Variants in UGGT2 observed in about 807,000 individuals in gnomAD.
UGGT2 encodes UDP-glucose:glycoprotein glucosyltransferase 2.
In UGGT2, 180 loss-of-function variants were observed where a neutral mutation model predicts 192.1. That is an observed-to-expected ratio of 0.94 (90% confidence interval 0.83 to 1.06). The LOEUF (loss-of-function observed/expected upper bound fraction) is 1.06. Among genes scored for constraint, UGGT2 ranks in the 50% least tolerant of loss-of-function variants. The pLI is 0.00. For synonymous variants in UGGT2, 580 were observed against 591.0 expected, an observed-to-expected ratio of 0.98 and a Z score of 0.27; for missense variants, 1,849 against 1,795.7, an observed-to-expected ratio of 1.03 and a Z score of -0.54.
intron 8 of UGGT2, among the ~76,000 whole-genome samples, chr13:95,987,071 G>A (rs2051311682): frequency 6.6e-6 from 1 of 152,052 alleles, no homozygotes; most frequent in Admixed American, 6.6e-5. Flanking sequence ...TCAACAGTGA[G>A]GCAGATTGTT....
chr13:95,853,772 T>C (rs1594153613), intron 35 of UGGT2, 115 bp from the exon 36 acceptor site: 3 of 604,188 alleles, frequency 5.0e-6, no homozygotes, highest in East Asian at 6.4e-5. Flanking sequence ...TAGGATCTAA[T>C]AACAATTAAT....
rs180817126 is a variant in UGGT2 at position 95,961,565 on chromosome 13, T to C, written c.1335+8547A>G. Among the ~76,000 whole-genome samples the C allele has an allele frequency of 1.3e-3, 202 of 152,132 alleles. 1 individual carries two copies. Among genetic ancestry groups the C allele is most frequent in the African/African-American group, 3.6e-3 (148 of 41,518 alleles). On this transcript the variant is annotated intron_variant, in intron 12 of 38. Coordinates refer to ENST00000376747, the MANE Select transcript of UGGT2 (RefSeq NM_020121.4). The stretch of plus-strand genomic sequence containing the variant: ...AGAAGTTAAAACACTCCTAAACATA[T>C]ATGCACCCAAACACTGGAGTACCTA...
intron 22 of UGGT2, among the ~76,000 whole-genome samples, chr13:95,900,426 C>T (rs549845171): frequency 6.6e-6 from 1 of 152,206 alleles, no homozygotes; most frequent in Non-Finnish European, 1.5e-5. Context: ...ATTTAACATA[C>T]ACAACTGTAG....
chr13:95,839,831 G>A (rs1887677752), intron 36 of UGGT2, among the ~76,000 whole-genome samples: 1 of 152,014 alleles, frequency 6.6e-6, no homozygotes, highest in Non-Finnish European at 1.5e-5. Context: ...AGCTATCATA[G>A]CGAGTATGAA....
At chr13:95,831,435 G>T (rs569462471) in intron 38 of UGGT2, among the ~76,000 whole-genome samples, 8 of 151,910 alleles carry the variant, frequency 5.3e-5, no homozygotes, top group Non-Finnish European at 1.0e-4. Flanking sequence ...AAAATATGCT[G>T]CCAGCACAAA....
At chr13:95,843,794 C>T (rs567289584) in intron 36 of UGGT2, among the ~76,000 whole-genome samples, 1 of 152,128 alleles carries the variant, frequency 6.6e-6, no homozygotes, top group African/African-American at 2.4e-5. Flanking sequence ...GGGTCTATTT[C>T]TGGGTTCTTT....
At position 95,977,239 on chromosome 13, in the gene UGGT2, G is replaced by C. The variant is rs1395796073; in HGVS notation, c.1093-4568C>G. On this transcript the variant is annotated intron_variant, in intron 10 of 38. Transcript: ENST00000376747. The stretch of plus-strand genomic sequence containing the variant: ...ACTACAGAGCTTCTGCACAGCAAAA[G>C]AAACTATCATCAGAGTGAACAGGCA... Among the ~76,000 whole-genome samples, 4 of 152,232 alleles carry C rather than the reference G, an allele frequency of 2.6e-5. No individual in the cohort carries two copies. The South Asian group carries it at 8.3e-4, about 32-fold the overall frequency.
At chr13:95,884,426 T>C (rs576579294) in intron 27 of UGGT2, 65 bp downstream of exon 27, 64 of 1,314,106 alleles carry the variant, frequency 4.9e-5, no homozygotes, top group Non-Finnish European at 6.1e-5. Flanking sequence ...CTTGCTACAA[T>C]TGTAATAGCT....
At chr13:95,988,008 C>T (rs2051343624) in intron 8 of UGGT2, among the ~76,000 whole-genome samples, 4 of 152,056 alleles carry the variant, frequency 2.6e-5, no homozygotes, top group Admixed American at 2.6e-4. Context: ...CTACCCAGAT[C>T]CCTTCCTTGA....
intron 36 of UGGT2, among the ~76,000 whole-genome samples, chr13:95,839,349 C>A (rs569347236): frequency 1.3e-5 from 2 of 151,996 alleles, no homozygotes; most frequent in African/African-American, 4.8e-5. Context: ...TCTGTCTCTA[C>A]GAATTTGTTT....
chr13:95,948,218 TACACAC>T (rs149949392), intron 13 of UGGT2, 137 bp from the exon 14 acceptor site: 17,914 of 317,458 alleles, frequency 0.056, 528 homozygotes, highest in East Asian at 0.15. Context: ...TTCTAAGGAA[TACACAC>T]ACACACACAC....
At chr13:95,918,462 T>G (rs2048746266) in intron 20 of UGGT2, among the ~76,000 whole-genome samples, 1 of 151,734 alleles carries the variant, frequency 6.6e-6, no homozygotes, top group Non-Finnish European at 1.5e-5. Flanking sequence ...ACATCTCAAT[T>G]AAAAGAACAT....
chr13:95,849,132 C>G (rs1261424745), intron 36 of UGGT2, among the ~76,000 whole-genome samples: 1 of 151,944 alleles, frequency 6.6e-6, no homozygotes, highest in Non-Finnish European at 1.5e-5. Flanking sequence ...CTTAAATCTA[C>G]ATCAGGCAAT....
intron 12 of UGGT2, among the ~76,000 whole-genome samples, chr13:95,964,735 T>C (rs1043050267): frequency 2.0e-5 from 3 of 152,016 alleles, no homozygotes; most frequent in Non-Finnish European, 4.4e-5. Context: ...AAAGCCAAAA[T>C]TGACAAATGG....
At chr13:95,982,789 CA>C (rs1426067329) in intron 10 of UGGT2, among the ~76,000 whole-genome samples, 2 of 152,108 alleles carry the variant, frequency 1.3e-5, no homozygotes, top group Non-Finnish European at 2.9e-5. Flanking sequence ...TAGAATGGAC[CA>C]ATACCACAAA....
chr13:95,911,114 A>C (rs181596933), intron 20 of UGGT2, among the ~76,000 whole-genome samples: 217 of 152,320 alleles, frequency 1.4e-3, no homozygotes, highest in African/African-American at 4.8e-3. Flanking sequence ...TTATACTACT[A>C]AATGCCTATA....
intron 29 of UGGT2, among the ~76,000 whole-genome samples, chr13:95,869,002 A>G (rs1014384750): frequency 4.6e-5 from 7 of 151,524 alleles, no homozygotes; most frequent in Non-Finnish European, 1.5e-5. Context: ...TTCATTTAAC[A>G]TTAGGTATAT....
intron 38 of UGGT2, among the ~76,000 whole-genome samples, chr13:95,822,836 A>G (rs567235996): frequency 6.6e-6 from 1 of 151,582 alleles, no homozygotes; most frequent in South Asian, 2.1e-4. Flanking sequence ...TTTTCTTTCA[A>G]TGGCTTTGGG....
intron 2 of UGGT2, among the ~76,000 whole-genome samples, chr13:96,028,733 A>G (rs1005267420): frequency 5.9e-5 from 9 of 152,224 alleles, no homozygotes; most frequent in African/African-American, 1.9e-4. Flanking sequence ...TCACTAAGAC[A>G]TGCTTTAGTA....
Sources: allele counts gnomAD v4.1 joint callset (sites outside exome capture counted in the v4.1 genomes callset), GRCh38; gene constraint gnomAD v4.1.1; transcripts MANE v1.5; gene names NCBI Gene and HGNC (gene_info 2026-07-23, HGNC 2026-07-21).